Variants in TYK2 observed in about 807,000 individuals in gnomAD.
TYK2 encodes tyrosine kinase 2.
Under a neutral mutation model 130.9 loss-of-function variants are expected in TYK2, and 65 were observed. The ratio of observed to expected loss-of-function variants is 0.50; its 90% CI spans 0.41 to 0.61. TYK2 has a LOEUF of 0.61. Ranked by LOEUF, TYK2 falls within the 20% of genes least tolerant of loss-of-function variation. The pLI, the probability that TYK2 is intolerant of heterozygous loss-of-function variation, is 0.00. For missense variants in TYK2, 1,378 were observed against 1,610.7 expected, an observed-to-expected ratio of 0.86 and a Z score of 2.47; for synonymous variants, 647 against 658.9, an observed-to-expected ratio of 0.98 and a Z score of 0.28.
Position 10,354,525 on chromosome 19 carries a change from C to T in TYK2, c.2702G>A (p.Arg901Gln). Reference sequence around the variant, plus strand: ...CCCGTCCCTCACCTCGCCCAGATCTCGGATCTTTTTCAAATAGCGCTTGTG... The same window carrying T: ...CCCGTCCCTCACCTCGCCCAGATCTTGGATCTTTTTCAAATAGCGCTTGTG... ...VFHKRYLKKI[R>Q]DLGEGHFGKV... Residue 901 changes from arginine to glutamine, a missense_variant, in exon 19 of 25, where the codon CGA becomes CAA. Transcript: ENST00000525621. 1 of 1,614,058 alleles carries T rather than the reference C, an allele frequency of 6.2e-7. No individual in the cohort carries two copies. The highest frequency in any genetic ancestry group is 1.6e-4 in the Middle Eastern group (1 of 6,062).
rs751227017 is a variant in TYK2 at position 10,351,138 on chromosome 19, C to A, written c.3343G>T (p.Ala1115Ser). 2 of 1,614,090 alleles carry A rather than the reference C, an allele frequency of 1.2e-6. No individual in the cohort carries two copies. The highest frequency in any genetic ancestry group is 3.3e-5 in the Admixed American group (2 of 59,988). The change falls in exon 24 of 25, where the codon GCT becomes TCT. Residue 1115 changes from alanine to serine, a missense_variant. By Grantham distance (99) the Ala-to-Ser change is moderately conservative. Transcript: ENST00000525621. Reference sequence around the variant, plus strand: ...CTCAGAACTGTCATCTGACCCTGAGCAATGCCTATGAGCTCAAGGAATTTC... The same window carrying A: ...CTCAGAACTGTCATCTGACCCTGAGAAATGCCTATGAGCTCAAGGAATTTC... ...PTKFLELIGI[A>S]QGQMTVLRLT... is the part of the protein sequence containing the mutation.
At chr19:10,351,659 C>T (rs1381405118) in intron 23 of TYK2, among the ~76,000 whole-genome samples, 1 of 152,108 alleles carries the variant, frequency 6.6e-6, no homozygotes, top group Admixed American at 6.6e-5. Flanking sequence ...TTACTGTGAA[C>T]GTTAAACTAA....
rs2041617928 is a variant in TYK2 at position 10,365,516 on chromosome 19, C to T, written c.1011+1G>A. Reference sequence around the variant, plus strand: ...CAGGGCGGAAGGGGCGCCTTGCTCACCTCCTCCTTGTTCACCTCCTCCTCT... The same window carrying T: ...CAGGGCGGAAGGGGCGCCTTGCTCATCTCCTCCTTGTTCACCTCCTCCTCT... On this transcript the variant is annotated splice_donor_variant, in intron 7 of 24. Coordinates refer to ENST00000525621, the MANE Select transcript of TYK2 (RefSeq NM_003331.5). LOFTEE classifies it high-confidence loss of function. The T allele has an allele frequency of 1.2e-6, 2 of 1,613,720 alleles. No homozygotes were observed. Among genetic ancestry groups the T allele is most frequent in the Admixed American group, 1.7e-5 (1 of 59,996 alleles).
intron 14 of TYK2, among the ~76,000 whole-genome samples, 172 bp from the exon 15 acceptor site, chr19:10,359,474 C>G (rs2041282364): frequency 1.3e-5 from 2 of 152,050 alleles, no homozygotes; most frequent in African/African-American, 4.8e-5. Context: ...AGAAGAAATG[C>G]GGAATGCAGC....
At chr19:10,376,930 C>T (rs1043981674) in intron 3 of TYK2, among the ~76,000 whole-genome samples, 1 of 151,944 alleles carries the variant, frequency 6.6e-6, no homozygotes, top group Non-Finnish European at 1.5e-5. Flanking sequence ...GACACTGGGT[C>T]TCACTCTGTC....
intron 5 of TYK2, among the ~76,000 whole-genome samples, chr19:10,367,124 T>C (rs2041698382): frequency 6.6e-6 from 1 of 152,066 alleles, no homozygotes; most frequent in South Asian, 2.1e-4. Context: ...CATTCAAAGC[T>C]GTCCTGGGCA....
In TYK2 at chr19:10,368,050, C is replaced by A; in HGVS notation, c.465+5G>T. The A allele has an allele frequency of 6.2e-7, 1 of 1,614,130 alleles. No individual in the cohort carries two copies. The highest frequency in any genetic ancestry group is 8.5e-7 in the Non-Finnish European group (1 of 1,180,028). ...ATAGTCTTGCCACCCCAGCCCTGCTCATACCTGCTCAAAGAGGTACTCAAA... is the reference window on the plus strand; with the variant it reads ...ATAGTCTTGCCACCCCAGCCCTGCTAATACCTGCTCAAAGAGGTACTCAAA... On this transcript the variant is annotated splice_donor_5th_base_variant and intron_variant, in intron 5 of 24. Transcript: ENST00000525621.
At chr19:10,372,932 T>G (rs1050426690) in intron 3 of TYK2, among the ~76,000 whole-genome samples, 1 of 151,872 alleles carries the variant, frequency 6.6e-6, no homozygotes, top group African/African-American at 2.4e-5. Flanking sequence ...GTTGCAATCT[T>G]GGTTCACCGC....
In TYK2 at chr19:10,362,158, G is replaced by T. The variant is rs776940518; in HGVS notation, c.1693C>A (p.Arg565=). Residue 565 remains arginine, a synonymous_variant, in exon 12 of 25, where the codon CGG becomes AGG. Transcript: ENST00000525621. ...PGETSNLIIM[R]GARASPRTLN... is the part of the protein sequence containing the mutation. ...GTCCTGGGGCTGGCCCGAGCCCCCC[G>T]CATGATGATGAGATTGGAGGTTTCT... 17 of 1,613,934 alleles carry T rather than the reference G, an allele frequency of 1.1e-5. No homozygotes were observed. The highest frequency in any genetic ancestry group is 1.4e-5 in the Non-Finnish European group (16 of 1,180,004).
Position 10,353,588 on chromosome 19 carries a change from G to A in TYK2, c.2967C>T (p.Tyr989=), listed in dbSNP as rs1309708142. ...EYVPLGSLRD[Y]LPRHSIGLAQ... is the part of the protein sequence containing the mutation. Reference sequence around the variant, plus strand: ...CCAGCCCGATGCTGTGCCGGGGCAGGTAGTCTCGGAGGCTGCCCAGGGGCA... The same window carrying A: ...CCAGCCCGATGCTGTGCCGGGGCAGATAGTCTCGGAGGCTGCCCAGGGGCA... Residue 989 remains tyrosine (Y), a synonymous_variant, in exon 21 of 25, where the codon TAC becomes TAT. Coordinates refer to ENST00000525621, the MANE Select transcript of TYK2 (RefSeq NM_003331.5). This position sits in a 1 kb window ranked among gnomAD's most constrained non-coding sequence, Gnocchi z 6.9. 1.3e-6 allele frequency: 2 copies of A among 1,490,756 alleles called. No homozygotes were observed. Among genetic ancestry groups the A allele is most frequent in the East Asian group, 2.4e-5 (1 of 41,798 alleles). 92.3% of individuals were successfully genotyped at this position (1,490,756 alleles called of 1,614,324 possible).
At chr19:10,377,543 G>T (rs1383375355) in intron 3 of TYK2, among the ~76,000 whole-genome samples, 1 of 106,850 alleles carries the variant, frequency 9.4e-6, no homozygotes, top group Non-Finnish European at 2.0e-5. Context: ...TGGATGGATG[G>T]ATGGGTGGGT....
chr19:10,351,487 C>A, intron 23 of TYK2: 1 of 333,060 alleles, frequency 3.0e-6, no homozygotes, highest in Non-Finnish European at 5.8e-6. Context: ...AACTCCATCT[C>A]AAAAAAGAAA....
chr19:10,368,753 A>G, intron 3 of TYK2: 1 of 357,252 alleles, frequency 2.8e-6, no homozygotes, highest in Non-Finnish European at 5.4e-6. Context: ...TTCTTGTGAC[A>G]GATGGTGAAG....
In TYK2 at chr19:10,361,623, G is replaced by T; in HGVS notation, c.1960-25C>A. 6.4e-7 allele frequency: 1 copy of T among 1,550,486 alleles called. No homozygotes were observed. Among genetic ancestry groups the T allele is most frequent in the South Asian group, 1.2e-5 (1 of 85,550 alleles). ...CCTGTGGGGACCGGGCAGGTCAGGT[G>T]GCTGCAAAGCCGACCCCTCCCATCC... On this transcript the variant is annotated intron_variant, in intron 13 of 24. Coordinates refer to ENST00000525621, the MANE Select transcript of TYK2 (RefSeq NM_003331.5). This position sits in a 1 kb window ranked among gnomAD's most constrained non-coding sequence, Gnocchi z 4.0.
chr19:10,365,708 G>A lies in TYK2; in HGVS notation c.820C>T (p.Arg274Cys), dbSNP rs748218971. 17 of 1,612,924 alleles carry A rather than the reference G, an allele frequency of 1.1e-5. No homozygotes were observed. The highest frequency in any genetic ancestry group is 1.6e-4 in the Middle Eastern group (1 of 6,082). The change falls in exon 7 of 25, where the codon CGT (arginine) becomes TGT (cysteine). Residue 274 changes from arginine (R) to cysteine (C), a missense_variant. By Grantham distance (180) the Arg-to-Cys change is radical (BLOSUM62 -3). Coordinates refer to ENST00000525621, the MANE Select transcript of TYK2 (RefSeq NM_003331.5). ...ERLAPRFGTERVPVCHLRLLA... is the reference protein window; with the variant it reads ...ERLAPRFGTECVPVCHLRLLA... Reference sequence around the variant, plus strand: ...AGCCTCAGGTGGCACACGGGCACACGCTCTGTGCCGAAGCGGGGTGCCAGC... The same window carrying A: ...AGCCTCAGGTGGCACACGGGCACACACTCTGTGCCGAAGCGGGGTGCCAGC...
chr19:10,362,590 G>C lies in TYK2; in HGVS notation c.1435C>G (p.His479Asp). ...ACTGTGAGGATCAGGCGGTAGGGGT[G>C]GCTGGTGCTCCAGTGAATGAGGTAC... is the stretch of plus-strand genomic sequence containing the variant. ...GLYLIHWSTS[H>D]PYRLILTVAQ... Residue 479 changes from histidine (H) to aspartate (D), a missense_variant, in exon 10 of 25, where the codon CAC becomes GAC. Transcript: ENST00000525621. 6.4e-7 allele frequency: 1 copy of C among 1,553,882 alleles called. No homozygotes were observed. The highest frequency in any genetic ancestry group is 8.7e-7 in the Non-Finnish European group (1 of 1,148,244).
At chr19:10,377,396 G>GTGGGTGGA (rs1568346232) in intron 3 of TYK2, among the ~76,000 whole-genome samples, 1 of 112,156 alleles carries the variant, frequency 8.9e-6, no homozygotes, top group Non-Finnish European at 1.8e-5. Context: ...AGGTGGGTGG[G>GTGGGTGGA]TGGGTGGATG....
intron 7 of TYK2, among the ~76,000 whole-genome samples, 176 bp downstream of exon 7, chr19:10,365,341 G>T (rs1281329708): frequency 6.6e-6 from 1 of 152,166 alleles, no homozygotes; most frequent in Non-Finnish European, 1.5e-5. Context: ...AGGTCCCCAG[G>T]GGGTAAGCAG....
Position 10,361,427 on chromosome 19 carries a change from C to T in TYK2, c.2047+84G>A, listed in dbSNP as rs2041393776. ...AATAGGCATAGGTTGGGGTGTAGGT[C>T]GAGGGTTGGGGTACAGATCAGGGAG... is the stretch of plus-strand genomic sequence containing the variant. On this transcript the variant is annotated intron_variant, in intron 14 of 24. Coordinates refer to ENST00000525621, the MANE Select transcript of TYK2 (RefSeq NM_003331.5). The surrounding 1 kb of genome is among the most constrained non-coding windows in gnomAD (Gnocchi z 4.0). 4.5e-6 allele frequency: 6 copies of T among 1,339,486 alleles called. No homozygotes were observed. The highest frequency in any genetic ancestry group is 2.5e-5 in the East Asian group (1 of 39,878). The allele number at this position is 1,339,486 out of a possible 1,614,324, so 83.0% of individuals were successfully genotyped here.
Sources: gnomAD v4.1 joint callset for allele counts (sites outside exome capture counted in the v4.1 genomes callset) on GRCh38, gnomAD v4.1.1 for gene constraint, Gnocchi (gnomAD v3.1) non-coding constraint, MANE v1.5 for transcripts, NCBI Gene and HGNC (gene_info 2026-07-23, HGNC 2026-07-21) for gene names.